The following ST3GAL1 variants were observed in gnomAD, a reference collection of about 807,000 sequenced individuals.
ST3GAL1 encodes the protein CMP-N-acetylneuraminate-beta-galactosamide-alpha-2,3-sialyltransferase 1.
A neutral mutation model predicts 34.1 loss-of-function variants in ST3GAL1; 16 were observed. The ratio of observed to expected loss-of-function variants is 0.47; its 90% CI spans 0.32 to 0.71. The LOEUF (loss-of-function observed/expected upper bound fraction) is 0.71. Ranked by LOEUF, ST3GAL1 falls within the 30% of genes least tolerant of loss-of-function variation. The pLI, the probability that ST3GAL1 is intolerant of heterozygous loss-of-function variation, is 0.04. For synonymous variants in ST3GAL1, 191 were observed against 184.7 expected (o/e 1.03, Z -0.28); for missense variants, 353 against 447.4 (o/e 0.79, Z 1.90).
At position 133,469,219 on chromosome 8, in the gene ST3GAL1, A is replaced by ATTGAT. The variant is rs888305002; in HGVS notation, c.307-3134_307-3130dup. Among the ~76,000 whole-genome samples, 4 of 151,878 alleles carry ATTGAT rather than the reference A, an allele frequency of 2.6e-5. No homozygotes were observed. Among genetic ancestry groups the ATTGAT allele is most frequent in the African/African-American group, 4.8e-5 (2 of 41,342 alleles). ...GAAAAATAAATTGATTGATTGATTGATTGATTTGATTTGATTTGATATGGA... is the reference window on the plus strand; with the variant it reads ...GAAAAATAAATTGATTGATTGATTGATTGATTTGATTTGATTTGATTTGATATGGA... On this transcript the variant is annotated intron_variant, in intron 5 of 9. Transcript: ENST00000522652. This position sits in a 1 kb window ranked among gnomAD's most constrained non-coding sequence, Gnocchi z 4.3.
In ST3GAL1 at chr8:133,465,929, A is replaced by T; in HGVS notation, c.468T>A (p.Tyr156Ter). 6.2e-7 allele frequency: 1 copy of T among 1,614,130 alleles called. No individual in the cohort carries two copies. Among genetic ancestry groups the T allele is most frequent in the Non-Finnish European group, 8.5e-7 (1 of 1,179,996 alleles). The change falls in exon 6 of 10, where the codon TAT becomes TAA. Residue 156 changes from tyrosine to a stop codon, truncating the protein, a stop_gained. Transcript: ENST00000522652. LOFTEE classifies it high-confidence loss of function. The part of the protein sequence containing the change: ...GNSGNLRESS[Y>*]GPEIDSHDFV... ...AGTCGTGACTGTCTATCTCAGGCCCATAAGAAGACTCCCTCAGGTTGCCCG... is the reference window on the plus strand; with the variant it reads ...AGTCGTGACTGTCTATCTCAGGCCCTTAAGAAGACTCCCTCAGGTTGCCCG...
At chr8:133,562,457 C>T (rs1232378568) in intron 1 of ST3GAL1, among the ~76,000 whole-genome samples, 4 of 152,218 alleles carry the variant, frequency 2.6e-5, no homozygotes, top group East Asian at 3.9e-4. Flanking sequence ...ATCTGGCCAC[C>T]TCAGCCTCCC....
intron 1 of ST3GAL1, among the ~76,000 whole-genome samples, chr8:133,546,540 AGAT>A (rs1004741962): frequency 6.6e-6 from 1 of 152,000 alleles, no homozygotes; most frequent in African/African-American, 2.4e-5. Context: ...TTTGAACAGG[AGAT>A]GATATTTTTA....
chr8:133,529,757 C>T (rs1818089701), intron 2 of ST3GAL1, among the ~76,000 whole-genome samples: 1 of 152,184 alleles, frequency 6.6e-6, no homozygotes, highest in Admixed American at 6.5e-5. Flanking sequence ...CCCAGGTTCC[C>T]AGACTCTCAG....
chr8:133,477,455 T>C (rs944073575), intron 3 of ST3GAL1, among the ~76,000 whole-genome samples: 1 of 151,826 alleles, frequency 6.6e-6, no homozygotes, highest in African/African-American at 2.4e-5. Flanking sequence ...AGTGCTTAGA[T>C]GACTTGCCTA....
chr8:133,562,841 C>CCTTCCTTTTTCTTT (rs1491286901), intron 1 of ST3GAL1, among the ~76,000 whole-genome samples: 9 of 82,502 alleles, frequency 1.1e-4, no homozygotes, highest in African/African-American at 4.0e-4. Context: ...TTCCTTCCTT[C>CCTTCCTTTTTCTTT]CTTTCTTTCT....
At chr8:133,501,673 C>A (rs1586622650) in intron 2 of ST3GAL1, among the ~76,000 whole-genome samples, 2 of 152,190 alleles carry the variant, frequency 1.3e-5, no homozygotes, top group South Asian at 4.1e-4. Flanking sequence ...CGCTTGAACC[C>A]AGGAGGTGGA....
rs1586668000 is a variant in ST3GAL1 at position 133,556,863 on chromosome 8, T to G, written c.-581-10937A>C. Among the ~76,000 whole-genome samples the G allele has an allele frequency of 6.6e-6, 1 of 151,972 alleles. No individual in the cohort carries two copies. The highest frequency in any genetic ancestry group is 1.5e-5 in the Non-Finnish European group (1 of 67,982). On this transcript the variant is annotated intron_variant, in intron 1 of 9. Transcript: ENST00000522652. The surrounding 1 kb of genome is among the most constrained non-coding windows in gnomAD (Gnocchi z 8.9). ...TGGCCTCTTAGATGATAAAACTAAG[T>G]GGAGGGAAGTGGGAGGGAGGTTGGC...
chr8:133,554,399 G>A (rs1056459486), intron 1 of ST3GAL1, among the ~76,000 whole-genome samples: 2 of 152,160 alleles, frequency 1.3e-5, no homozygotes, highest in African/African-American at 4.8e-5. Context: ...CTCTGACAAT[G>A]GTGTTCCAAA....
At chr8:133,549,086 G>A (rs889222215) in intron 1 of ST3GAL1, among the ~76,000 whole-genome samples, 1 of 152,206 alleles carries the variant, frequency 6.6e-6, no homozygotes, top group African/African-American at 2.4e-5. Flanking sequence ...GATATATACT[G>A]CAACTGTTCT....
At chr8:133,531,818 A>G (rs1343919188) in intron 2 of ST3GAL1, among the ~76,000 whole-genome samples, 4 of 133,710 alleles carry the variant, frequency 3.0e-5, no homozygotes, top group Non-Finnish European at 4.7e-5. Context: ...AAAACAGAAA[A>G]AAAAAAAAAA....
intron 2 of ST3GAL1, among the ~76,000 whole-genome samples, chr8:133,527,459 C>T (rs374986887): frequency 9.9e-5 from 15 of 152,080 alleles, no homozygotes; most frequent in Non-Finnish European, 2.1e-4. Context: ...AGAATAATGA[C>T]GGTTATGAGC....
rs1380725047 is a variant in ST3GAL1 at position 133,466,534 on chromosome 8, T to G, written c.307-444A>C. Among the ~76,000 whole-genome samples the G allele has an allele frequency of 6.6e-6, 1 of 152,150 alleles. No individual in the cohort carries two copies. Among genetic ancestry groups the G allele is most frequent in the East Asian group, 1.9e-4 (1 of 5,180 alleles). On this transcript the variant is annotated intron_variant, in intron 5 of 9. Transcript: ENST00000522652. The surrounding 1 kb of genome is among the most constrained non-coding windows in gnomAD (Gnocchi z 4.4). Reference sequence around the variant, plus strand: ...TAGCAGAAGCCTTCTAGCTGTGTCTTACTCCCACCCTGCTCAGACACCAGG... The same window carrying G: ...TAGCAGAAGCCTTCTAGCTGTGTCTGACTCCCACCCTGCTCAGACACCAGG...
intron 8 of ST3GAL1, 42 bp downstream of exon 8, chr8:133,463,372 G>T: frequency 6.2e-7 from 1 of 1,610,492 alleles, no homozygotes. Context: ...CTTAGATGAG[G>T]AAGCCTGAAC....
Position 133,466,492 on chromosome 8 carries a change from C to T in ST3GAL1, c.307-402G>A, listed in dbSNP as rs535737782. Among the ~76,000 whole-genome samples, 9 of 152,332 alleles carry T rather than the reference C, an allele frequency of 5.9e-5. No homozygotes were observed. In the East Asian group the frequency reaches 9.7e-4, roughly 16 times the overall value. On this transcript the variant is annotated intron_variant, in intron 5 of 9. Transcript: ENST00000522652. The surrounding 1 kb of genome is among the most constrained non-coding windows in gnomAD (Gnocchi z 4.4). ...CCCTCCATCCCCCTACGTGTCACCA[C>T]TTGAAAGAGAGAAAAATAGCAGAAG...
In ST3GAL1 at chr8:133,469,294, C is replaced by G. The variant is rs1190997090; in HGVS notation, c.307-3204G>C. On this transcript the variant is annotated intron_variant, in intron 5 of 9. Transcript: ENST00000522652. This position sits in a 1 kb window ranked among gnomAD's most constrained non-coding sequence, Gnocchi z 4.3. ...AATGCAGTGGTGCGATCTCGGCTCA[C>G]TGCAACCTCTACCTCCTGGGTTCAA... Among the ~76,000 whole-genome samples, 2 of 152,158 alleles carry G rather than the reference C, an allele frequency of 1.3e-5. No homozygotes were observed. Among genetic ancestry groups the G allele is most frequent in the Non-Finnish European group, 2.9e-5 (2 of 68,018 alleles).
chr8:133,547,351 G>A (rs902826522), intron 1 of ST3GAL1, among the ~76,000 whole-genome samples: 10 of 151,964 alleles, frequency 6.6e-5, no homozygotes, highest in African/African-American at 2.4e-4. Flanking sequence ...ACTCACTGCA[G>A]CCTTGACCTC....
chr8:133,532,765 C>T (rs1818194927), intron 2 of ST3GAL1, among the ~76,000 whole-genome samples: 1 of 152,154 alleles, frequency 6.6e-6, no homozygotes, highest in South Asian at 2.1e-4. Flanking sequence ...AACTGTTCTT[C>T]CTGCCCTTGT....
intron 7 of ST3GAL1, among the ~76,000 whole-genome samples, chr8:133,464,120 G>T (rs2130920307): frequency 6.6e-6 from 1 of 152,356 alleles, no homozygotes; most frequent in Non-Finnish European, 1.5e-5. Context: ...CTTCCCTTCA[G>T]TAAGGGTCAG....
Sources: gnomAD v4.1 joint callset for allele counts (sites outside exome capture counted in the v4.1 genomes callset) on GRCh38, gnomAD v4.1.1 for gene constraint, Gnocchi (gnomAD v3.1) non-coding constraint, MANE v1.5 for transcripts, NCBI Gene and HGNC (gene_info 2026-07-23, HGNC 2026-07-21) for gene names.